The following FLG variants were observed in gnomAD, a reference collection of about 807,000 sequenced individuals.
FLG encodes the protein filaggrin, also known as epidermal filaggrin.
Under a neutral mutation model 3.8 loss-of-function variants are expected in FLG, and 6 were observed. That is an observed-to-expected ratio of 1.60 (90% confidence interval 0.87 to 3.15). The LOEUF (loss-of-function observed/expected upper bound fraction) is 3.15, where lower values mean the gene tolerates loss of function less well. FLG is among the 30% of genes most tolerant of loss of function. The pLI is 0.00. For synonymous variants in FLG, 2,551 were observed against 1,931.6 expected (o/e 1.32, Z -8.41); for missense variants, 7,595 against 5,050.9 (o/e 1.50, Z -15.27).
Position 152,312,141 on chromosome 1 carries a change from T to C in FLG, c.2745A>G (p.Glu915=). ...GSRHSGSRHH[E]ASSHADISRH... is the part of the protein sequence containing the mutation. ...TAGAGATGTCGGCATGAGAGGAAGC[T>C]TCATGGTGACGTGACCCTGAGTGCC... The change falls in exon 3 of 3, where the codon GAA becomes GAG. Residue 915 remains glutamate (E), a synonymous_variant. Coordinates refer to ENST00000368799, the MANE Select transcript of FLG (RefSeq NM_002016.2). 6.2e-7 allele frequency: 1 copy of C among 1,614,010 alleles called. No individual in the cohort carries two copies. The highest frequency in any genetic ancestry group is 8.5e-7 in the Non-Finnish European group (1 of 1,179,992).
At position 152,309,645 on chromosome 1, in the gene FLG, G is replaced by A. The variant is rs1334880353; in HGVS notation, c.5241C>T (p.His1747=). The A allele has an allele frequency of 6.2e-6, 10 of 1,613,634 alleles. No individual in the cohort carries two copies. The highest frequency in any genetic ancestry group is 3.3e-5 in the Admixed American group (2 of 59,966). The change falls in exon 3 of 3, where the codon CAC becomes CAT. Residue 1747 remains histidine (H), a synonymous_variant. Transcript: ENST00000368799. ...CTGACTGGCCACGTGTGGACTCTTG[G>A]TGGCTCTGCTGATGGGGCCCAGCCT... ...HGQAGPHQQS[H]QESTRGQSGE... is the part of the protein sequence containing the mutation.
intron 1 of FLG, among the ~76,000 whole-genome samples, chr1:152,324,830 A>G (rs1164871318): frequency 6.6e-6 from 1 of 151,768 alleles, no homozygotes; most frequent in Non-Finnish European, 1.5e-5. Flanking sequence ...AAATTATCTT[A>G]TTTGTTTATT....
Position 152,310,416 on chromosome 1 carries a change from A to T in FLG, c.4470T>A (p.Arg1490=), listed in dbSNP as rs765038850. 14 of 1,613,062 alleles carry T rather than the reference A, an allele frequency of 8.7e-6. No individual in the cohort carries two copies. The highest frequency in any genetic ancestry group is 1.7e-5 in the Admixed American group (1 of 59,908). The change falls in exon 3 of 3, where the codon CGT becomes CGA. Residue 1490 remains arginine (R), a synonymous_variant. Coordinates refer to ENST00000368799, the MANE Select transcript of FLG (RefSeq NM_002016.2). The part of the protein sequence containing the change: ...SASQDGQDTI[R]GHPGSSRGGR... ...CTCCTCTGCTTGACCCCGGGTGTCC[A>T]CGAATGGTGTCCTGACCGTCTTGGG... is the stretch of plus-strand genomic sequence containing the variant.
At position 152,313,657 on chromosome 1, in the gene FLG, C is replaced by G. The variant is rs1419431315; in HGVS notation, c.1229G>C (p.Ser410Thr). ...TGRGQASSAV[S>T]DRGHRGSSGS... ...GCTAGACCCCCGGTGTCCACGATCG[C>G]TGACTGCAGATGAAGCTTGCCCGCG... Residue 410 changes from serine to threonine, a missense_variant, in exon 3 of 3, where the codon AGC becomes ACC. Transcript: ENST00000368799. 1.9e-6 allele frequency: 3 copies of G among 1,613,976 alleles called. No individual in the cohort carries two copies. Among genetic ancestry groups the G allele is most frequent in the Non-Finnish European group, 8.5e-7 (1 of 1,180,022 alleles).
rs145299777 is a variant in FLG at position 152,303,688 on chromosome 1, C to A, written c.11198G>T (p.Gly3733Val). The A allele has an allele frequency of 2.5e-3, 4,091 of 1,613,996 alleles. 11 individuals are homozygous for A. Among genetic ancestry groups the A allele is most frequent in the Non-Finnish European group, 2.8e-3 (3,257 of 1,179,964 alleles). ...CTGCTCGTGGCGGGATCCTTGTCTT[C>A]CTCCAGTACTGGGCCCAGCCCGTCC... ...AHGRAGPSTG[G>V]RQGSRHEQAR... The change falls in exon 3 of 3, where the codon GGA becomes GTA. Residue 3733 changes from glycine (G) to valine (V), a missense_variant. Coordinates refer to ENST00000368799, the MANE Select transcript of FLG (RefSeq NM_002016.2).
Position 152,311,161 on chromosome 1 carries a change from G to A in FLG, c.3725C>T (p.Ser1242Phe). 1 of 1,613,840 alleles carries A rather than the reference G, an allele frequency of 6.2e-7. No individual in the cohort carries two copies. Among genetic ancestry groups the A allele is most frequent in the Non-Finnish European group, 8.5e-7 (1 of 1,180,004 alleles). ...TGAGTGTCTAGAGCTGTCAGCCCAA[G>A]AGGCAGCTTCATGGTGACGTGACCC... is the stretch of plus-strand genomic sequence containing the variant. Reference protein sequence around the residue: ...HSGSRHHEAASWADSSRHSQV... With the variant: ...HSGSRHHEAAFWADSSRHSQV... The change falls in exon 3 of 3, where the codon TCT (serine) becomes TTT (phenylalanine). Residue 1242 changes from serine to phenylalanine, a missense_variant. Transcript: ENST00000368799.
chr1:152,310,846 T>C lies in FLG; in HGVS notation c.4040A>G (p.Glu1347Gly), dbSNP rs1207315805. The C allele has an allele frequency of 9.9e-6, 16 of 1,613,808 alleles. No homozygotes were observed. The highest frequency in any genetic ancestry group is 1.6e-4 in the Middle Eastern group (1 of 6,062). Reference sequence around the variant, plus strand: ...TTCTCCTGGACTTGATCTTGCCTGTTCATGGGATGACACAGCCTGTCCATG... The same window carrying C: ...TTCTCCTGGACTTGATCTTGCCTGTCCATGGGATGACACAGCCTGTCCATG... Reference protein sequence around the residue: ...SSHGQAVSSHEQARSSPGERH... With the variant: ...SSHGQAVSSHGQARSSPGERH... The change falls in exon 3 of 3, where the codon GAA becomes GGA. Residue 1347 changes from glutamate to glycine, a missense_variant. By Grantham distance (98) the Glu-to-Gly change is moderately conservative. Coordinates refer to ENST00000368799, the MANE Select transcript of FLG (RefSeq NM_002016.2).
At position 152,313,002 on chromosome 1, in the gene FLG, C is replaced by T. The variant is rs1227505038; in HGVS notation, c.1884G>A (p.Gln628=). The T allele has an allele frequency of 3.1e-6, 5 of 1,613,876 alleles. No individual in the cohort carries two copies. Among genetic ancestry groups the T allele is most frequent in the Non-Finnish European group, 4.2e-6 (5 of 1,180,032 alleles). The part of the protein sequence containing the change: ...GSSVSQDSDS[Q]GHSEDSERWS... ...ACCTCTCAGAGTCTTCTGAGTGTCC[C>T]TGACTGTCACTGTCCTGGCTAACAC... Residue 628 remains glutamine (Q), a synonymous_variant, in exon 3 of 3, where the codon CAG becomes CAA. Coordinates refer to ENST00000368799, the MANE Select transcript of FLG (RefSeq NM_002016.2).
In FLG at chr1:152,311,353, C is replaced by A. The variant is rs1652411191; in HGVS notation, c.3533G>T (p.Gly1178Val). Residue 1178 changes from glycine to valine, a missense_variant, in exon 3 of 3, where the codon GGA (glycine) becomes GTA (valine). Physicochemically the swap from Gly to Val is moderately radical, Grantham distance 109 (BLOSUM62 -3). Coordinates refer to ENST00000368799, the MANE Select transcript of FLG (RefSeq NM_002016.2). ...ATCTACCGATTGCTCATGGTGGGAT[C>A]CCTGCCTTCCTCCTCTCCTTGACCC... ...HPGSRRGGRQ[G>V]SHHEQSVDRS... 1.2e-6 allele frequency: 2 copies of A among 1,613,774 alleles called. No homozygotes were observed. Among genetic ancestry groups the A allele is most frequent in the Non-Finnish European group, 1.7e-6 (2 of 1,179,974 alleles).
Position 152,302,959 on chromosome 1 carries a change from T to G in FLG, c.11927A>C (p.His3976Pro), listed in dbSNP as rs771907720. ...QKGQSGLVWR[H>P]GSYGSADYDY... ...ATAATCTGCACTACCATAGCTGCCATGTCTCCAAACTAAACCTGATTGACC... is the reference window on the plus strand; with the variant it reads ...ATAATCTGCACTACCATAGCTGCCAGGTCTCCAAACTAAACCTGATTGACC... Residue 3976 changes from histidine (H) to proline (P), a missense_variant, in exon 3 of 3, where the codon CAT becomes CCT. His to Pro is a moderately conservative substitution (Grantham distance 77, BLOSUM62 -2). Coordinates refer to ENST00000368799, the MANE Select transcript of FLG (RefSeq NM_002016.2). The G allele has an allele frequency of 6.2e-7, 1 of 1,614,198 alleles. No individual in the cohort carries two copies. The highest frequency in any genetic ancestry group is 2.2e-5 in the East Asian group (1 of 44,880).
rs755119896 is a variant in FLG at position 152,311,694 on chromosome 1, C to T, written c.3192G>A (p.Trp1064Ter). 14 of 1,613,880 alleles carry T rather than the reference C, an allele frequency of 8.7e-6. No individual in the cohort carries two copies. Among genetic ancestry groups the T allele is most frequent in the East Asian group, 2.2e-5 (1 of 44,872 alleles). The change falls in exon 3 of 3, where the codon TGG (tryptophan) becomes TGA (stop). Residue 1064 changes from tryptophan to a stop codon, truncating the protein, a stop_gained. Transcript: ENST00000368799. LOFTEE classifies it low-confidence loss of function (END_TRUNC). ...ASSAVRDSGH[W>*]GSSGSQASDS... ...CACTGGCCTGACTACCACTGGACCC[C>T]CAGTGTCCACTGTCTCTGACTGCAG...
chr1:152,310,811 A>C lies in FLG; in HGVS notation c.4075T>G (p.Ser1359Ala), dbSNP rs1386821775. Residue 1359 changes from serine to alanine, a missense_variant, in exon 3 of 3, where the codon TCC becomes GCC. Ser to Ala is a moderately conservative substitution (Grantham distance 99, BLOSUM62 1). Transcript: ENST00000368799. Reference sequence around the variant, plus strand: ...CTGTCTGCTGACTGCTGGTGGCGGGATCCATGTCTTTCTCCTGGACTTGAT... The same window carrying C: ...CTGTCTGCTGACTGCTGGTGGCGGGCTCCATGTCTTTCTCCTGGACTTGAT... ...ARSSPGERHGSRHQQSADSSR... is the reference protein window; with the variant it reads ...ARSSPGERHGARHQQSADSSR... The C allele has an allele frequency of 6.2e-7, 1 of 1,611,466 alleles. No homozygotes were observed. The highest frequency in any genetic ancestry group is 1.3e-5 in the African/African-American group (1 of 74,848).
intron 1 of FLG, among the ~76,000 whole-genome samples, chr1:152,318,139 C>T (rs991160465): frequency 6.6e-6 from 1 of 151,934 alleles, no homozygotes; most frequent in Non-Finnish European, 1.5e-5. Flanking sequence ...CAACATTTCT[C>T]CTAACATCTT....
Position 152,308,325 on chromosome 1 carries a change from T to G in FLG, c.6561A>C (p.Arg2187Ser). ...SDASRGQSGS[R>S]SASRKTYDKE... Reference sequence around the variant, plus strand: ...TGTCATATGTTTTTCTGCTTGCACTTCTGGATCCTGACTGCCCACGGGAGG... The same window carrying G: ...TGTCATATGTTTTTCTGCTTGCACTGCTGGATCCTGACTGCCCACGGGAGG... Residue 2187 changes from arginine to serine, a missense_variant, in exon 3 of 3, where the codon AGA (arginine) becomes AGC (serine). Coordinates refer to ENST00000368799, the MANE Select transcript of FLG (RefSeq NM_002016.2). The G allele has an allele frequency of 6.2e-7, 1 of 1,613,744 alleles. No homozygotes were observed. Among genetic ancestry groups the G allele is most frequent in the Non-Finnish European group, 8.5e-7 (1 of 1,179,824 alleles).
In FLG at chr1:152,313,080, CTGTGAG is replaced by C; in HGVS notation, c.1800_1805del (p.His600_Ser601del). On this transcript the variant is annotated inframe_deletion, in exon 3 of 3. Coordinates refer to ENST00000368799, the MANE Select transcript of FLG (RefSeq NM_002016.2). ...GCCCCGATGATTGTCCCTGGCCCACCTGTGAGTGTCTAGAGCTGTCAGCCTGAGAGG... is the reference window on the plus strand; with the variant it reads ...GCCCCGATGATTGTCCCTGGCCCACCTGTCTAGAGCTGTCAGCCTGAGAGG... The C allele has an allele frequency of 1.2e-6, 2 of 1,613,874 alleles. No homozygotes were observed. Among genetic ancestry groups the C allele is most frequent in the Non-Finnish European group, 1.7e-6 (2 of 1,179,994 alleles).
At chr1:152,324,951 G>T (rs1653100818) in intron 1 of FLG, among the ~76,000 whole-genome samples, 1 of 151,834 alleles carries the variant, frequency 6.6e-6, no homozygotes, top group Non-Finnish European at 1.5e-5. Flanking sequence ...ATACATATTT[G>T]TTAAGTAAAT....
At position 152,313,394 on chromosome 1, in the gene FLG, C is replaced by G. The variant is rs370228326; in HGVS notation, c.1492G>C (p.Glu498Gln). The G allele has an allele frequency of 3.1e-6, 5 of 1,613,724 alleles. No homozygotes were observed. The highest frequency in any genetic ancestry group is 4.2e-6 in the Non-Finnish European group (5 of 1,179,912). ...TGCCTGGAGCTGTCTCGTGCCTGCT[C>G]GTGGTGCGATCCTTGTCTTCCTCCA... ...STGGRQGSHH[E>Q]QARDSSRHSA... Residue 498 changes from glutamate to glutamine, a missense_variant, in exon 3 of 3, where the codon GAG (glutamate) becomes CAG (glutamine). Coordinates refer to ENST00000368799, the MANE Select transcript of FLG (RefSeq NM_002016.2).
rs756605558 is a variant in FLG, at chr1:152,315,393, C to CT, written c.63dup (p.Asp22ArgfsTer2). 6.2e-6 allele frequency: 10 copies of CT among 1,612,082 alleles called. No homozygotes were observed. Among genetic ancestry groups the CT allele is most frequent in the African/African-American group, 4.0e-5 (3 of 74,724 alleles). ...TTACTCAATGTGTCAGTGTTTTTAT[C>CT]TTTTTTTGAATATTGCTTGAAAAGA... On this transcript the variant is annotated frameshift_variant, in exon 2 of 3. Coordinates refer to ENST00000368799, the MANE Select transcript of FLG (RefSeq NM_002016.2). LOFTEE classifies it high-confidence loss of function.
At position 152,313,251 on chromosome 1, in the gene FLG, A is replaced by C. The variant is rs753421108; in HGVS notation, c.1635T>G (p.His545Gln). 6.2e-7 allele frequency: 1 copy of C among 1,613,796 alleles called. No homozygotes were observed. The highest frequency in any genetic ancestry group is 1.1e-5 in the South Asian group (1 of 91,058). Residue 545 changes from histidine to glutamine, a missense_variant, in exon 3 of 3, where the codon CAT becomes CAG. By Grantham distance (24) the His-to-Gln change is conservative. Coordinates refer to ENST00000368799, the MANE Select transcript of FLG (RefSeq NM_002016.2). The stretch of plus-strand genomic sequence containing the variant: ...TTCCCTGGGATGTGGTGTGGCTGTG[A>C]TGGGAACCTGAGTGTCCAGACCTAT... Reference protein sequence around the residue: ...SVNRSGHSGSHHSHTTSQGRS... With the variant: ...SVNRSGHSGSQHSHTTSQGRS...
Sources: gnomAD v4.1 joint callset for allele counts (sites outside exome capture counted in the v4.1 genomes callset) on GRCh38, gnomAD v4.1.1 for gene constraint, MANE v1.5 for transcripts, NCBI Gene and HGNC (gene_info 2026-07-23, HGNC 2026-07-21) for gene names.